Variants in PHF11 observed in about 807,000 individuals in gnomAD.
PHF11 encodes BRCA1 C-terminus-associated protein.
In PHF11, 38 loss-of-function variants were observed where a neutral mutation model predicts 40.5. The ratio of observed to expected loss-of-function variants is 0.94; its 90% CI spans 0.72 to 1.23. The LOEUF (loss-of-function observed/expected upper bound fraction) is 1.23, where lower values mean the gene tolerates loss of function less well. Ranked by LOEUF, PHF11 falls within the 50% of genes most tolerant of loss-of-function variation. The pLI is 0.00. For synonymous variants in PHF11, 127 were observed against 138.2 expected (o/e 0.92, Z 0.57); for missense variants, 369 against 392.4 (o/e 0.94, Z 0.50).
intron 6 of PHF11, 113 bp from the exon 7 acceptor site, chr13:49,523,062 C>T: frequency 1.3e-6 from 1 of 797,980 alleles, no homozygotes; most frequent in Non-Finnish European, 2.2e-6. Flanking sequence ...CGCGCCCAGC[C>T]AGGGCATGAT....
At chr13:49,504,993 T>G (rs1958965113) in intron 1 of PHF11, among the ~76,000 whole-genome samples, 1 of 151,272 alleles carries the variant, frequency 6.6e-6, no homozygotes, top group Non-Finnish European at 1.5e-5. Context: ...AGATGTGCTT[T>G]GTTAAACAGA....
At chr13:49,520,266 C>T (rs1464990155) in intron 4 of PHF11, among the ~76,000 whole-genome samples, 1 of 152,128 alleles carries the variant, frequency 6.6e-6, no homozygotes, top group African/African-American at 2.4e-5. Context: ...CCAGGAGGGT[C>T]TCCATCTCTT....
At chr13:49,520,807 G>A in intron 4 of PHF11, 87 bp from the exon 5 acceptor site, 5 of 891,384 alleles carry the variant, frequency 5.6e-6, no homozygotes, top group Non-Finnish European at 8.3e-6. Flanking sequence ...AAAGTAGGTT[G>A]GTACGTTTTT....
chr13:49,501,028 T>TTTTTTG (rs1958900541), intron 1 of PHF11, among the ~76,000 whole-genome samples: 1 of 144,362 alleles, frequency 6.9e-6, no homozygotes, highest in African/African-American at 2.6e-5. Flanking sequence ...TTTTTTTTTT[T>TTTTTTG]CTGAAATGGA....
In PHF11 at chr13:49,505,905, T is replaced by C. The variant is rs537981995; in HGVS notation, c.95-730T>C. Among the ~76,000 whole-genome samples, 4 of 152,366 alleles carry C rather than the reference T, an allele frequency of 2.6e-5. No homozygotes were observed. The South Asian group carries it at 8.3e-4, about 32-fold the overall frequency. The stretch of plus-strand genomic sequence containing the variant: ...GTCTTTAATTCTCATAGAATTTATT[T>C]TTGAATACAGTATGGCATTAGGATT... On this transcript the variant is annotated intron_variant, in intron 1 of 9. Coordinates refer to ENST00000378319, the MANE Select transcript of PHF11 (RefSeq NM_001040443.3).
At chr13:49,506,811 C>T (rs1222006320) in intron 2 of PHF11, 55 bp downstream of exon 2, 4 of 1,235,134 alleles carry the variant, frequency 3.2e-6, no homozygotes, top group Non-Finnish European at 1.1e-6. Flanking sequence ...GTGTAGGACA[C>T]ATAAGAATAG....
chr13:49,513,107 C>G lies in PHF11; in HGVS notation c.265C>G (p.Pro89Ala), dbSNP rs1330165791. The G allele has an allele frequency of 6.2e-7, 1 of 1,603,772 alleles. No homozygotes were observed. The change falls in exon 3 of 10, where the codon CCT becomes GCT. Residue 89 changes from proline (P) to alanine (A), a missense_variant. Coordinates refer to ENST00000378319, the MANE Select transcript of PHF11 (RefSeq NM_001040443.3). ...VECEDQDPLNPDRSFDVESVK... is the reference protein window; with the variant it reads ...VECEDQDPLNADRSFDVESVK... Reference sequence around the variant, plus strand: ...ATGTGAGGATCAGGATCCACTTAATCCTGATAGAAGTTTTGATGTGGAATC... The same window carrying G: ...ATGTGAGGATCAGGATCCACTTAATGCTGATAGAAGTTTTGATGTGGAATC...
intron 3 of PHF11, among the ~76,000 whole-genome samples, chr13:49,513,478 G>A (rs922393386): frequency 2.6e-5 from 4 of 151,818 alleles, no homozygotes; most frequent in African/African-American, 7.3e-5. Context: ...TTACAGGCAC[G>A]GGCCACCATG....
At chr13:49,521,157 T>C (rs1437036770) in intron 5 of PHF11, 24 of 1,203,120 alleles carry the variant, frequency 2.0e-5, no homozygotes, top group Middle Eastern at 3.3e-4. Flanking sequence ...CTTTGAACCA[T>C]TCCCTGGTAT....
Position 49,504,554 on chromosome 13 carries a change from C to T in PHF11, c.95-2081C>T, listed in dbSNP as rs1373983064. Among the ~76,000 whole-genome samples the T allele has an allele frequency of 1.1e-4, 8 of 71,892 alleles. No homozygotes were observed. In the South Asian group the frequency reaches 2.3e-3, roughly 21 times the overall value. 47.2% of individuals were successfully genotyped at this position (71,892 alleles called of 152,430 possible). On this transcript the variant is annotated intron_variant, in intron 1 of 9. Transcript: ENST00000378319. ...CCGCCCCTACTGGGAAGTGAGGAGC[C>T]CCTCTGCCCGGCCAGCCGCCCCGTC... is the stretch of plus-strand genomic sequence containing the variant.
At chr13:49,519,174 T>C (rs190319754) in intron 4 of PHF11, among the ~76,000 whole-genome samples, 2 of 152,312 alleles carry the variant, frequency 1.3e-5, no homozygotes, top group East Asian at 3.9e-4. Flanking sequence ...GTTCCGTAAG[T>C]ATTTTGTTGC....
chr13:49,499,517 C>A (rs1958872424), intron 1 of PHF11, among the ~76,000 whole-genome samples: 1 of 152,176 alleles, frequency 6.6e-6, no homozygotes, highest in African/African-American at 2.4e-5. Context: ...ATACCAAAAC[C>A]AAATTCAGTC....
intron 1 of PHF11, among the ~76,000 whole-genome samples, chr13:49,504,879 C>A (rs1594203568): frequency 6.7e-6 from 1 of 149,902 alleles, no homozygotes; most frequent in African/African-American, 2.4e-5. Context: ...AAGAAAAATT[C>A]TTCTGCCTTG....
chr13:49,526,628 C>T (rs952649038), intron 9 of PHF11, among the ~76,000 whole-genome samples, 170 bp downstream of exon 9: 2 of 150,296 alleles, frequency 1.3e-5, no homozygotes, highest in African/African-American at 4.9e-5. Flanking sequence ...CCTGCCCACA[C>T]ACACAGGAAA....
At chr13:49,507,339 C>A (rs1422994975) in intron 2 of PHF11, among the ~76,000 whole-genome samples, 1 of 152,188 alleles carries the variant, frequency 6.6e-6, no homozygotes, top group East Asian at 1.9e-4. Context: ...GTAAACATAG[C>A]TCTAAGTCCT....
rs1184862570 is a variant in PHF11 at position 49,522,767 on chromosome 13, GT to G, written c.571-393del. On this transcript the variant is annotated intron_variant, in intron 6 of 9. Transcript: ENST00000378319. ...CTAAATATGAATATGGGGTTTTTTT[GT>G]TTTTTTTTTTTTTTGAGACAGAGTC... 1.1e-3 allele frequency among the ~76,000 whole-genome samples: 45 copies of G among 41,978 alleles called. No individual in the cohort carries two copies. In the South Asian group the frequency reaches 0.018, roughly 17 times the overall value. The allele number at this position is 41,978 out of a possible 152,430, so 27.5% of individuals were successfully genotyped here.
chr13:49,500,222 G>C (rs189352838), intron 1 of PHF11, among the ~76,000 whole-genome samples: 1 of 152,200 alleles, frequency 6.6e-6, no homozygotes, highest in African/African-American at 2.4e-5. Context: ...GAGTCCTCAG[G>C]GTTGCTAAAC....
chr13:49,526,168 CAAAAAAAAA>C (rs10573458), intron 8 of PHF11: 42 of 341,218 alleles, frequency 1.2e-4, no homozygotes, highest in African/African-American at 7.5e-4. Flanking sequence ...GATTCTGTCT[CAAAAAAAAA>C]AAAAAAAAAA....
At chr13:49,517,494 T>A (rs895884305) in intron 3 of PHF11, among the ~76,000 whole-genome samples, 1 of 152,198 alleles carries the variant, frequency 6.6e-6, no homozygotes, top group Non-Finnish European at 1.5e-5. Context: ...TTTTTAAAAA[T>A]TTTTGGCCCT....
Sources: allele counts gnomAD v4.1 joint callset (sites outside exome capture counted in the v4.1 genomes callset), GRCh38; gene constraint gnomAD v4.1.1; transcripts MANE v1.5; gene names NCBI Gene and HGNC (gene_info 2026-07-23, HGNC 2026-07-21).